GRM5: variants seen among roughly 807,000 people sequenced by gnomAD.
GRM5 encodes glutamate metabotropic receptor 5.
In GRM5, 19 loss-of-function variants were observed where a neutral mutation model predicts 83.1. The ratio of observed to expected loss-of-function variants is 0.23; its 90% CI spans 0.16 to 0.34. GRM5 has a LOEUF of 0.34. GRM5 is among the 10% of genes least tolerant of loss of function. The pLI is 1.00. For synonymous variants in GRM5, 675 were observed against 633.6 expected (o/e 1.07, Z -0.98); for missense variants, 1,160 against 1,588.3 (o/e 0.73, Z 4.58).
At chr11:88,877,639 G>C (rs1308485214) in intron 2 of GRM5, among the ~76,000 whole-genome samples, 1 of 151,794 alleles carries the variant, frequency 6.6e-6, no homozygotes, top group Non-Finnish European at 1.5e-5. Flanking sequence ...TGGGCAACAT[G>C]GCAAAACCCT....
intron 4 of GRM5, among the ~76,000 whole-genome samples, chr11:88,638,650 A>G (rs992985411): frequency 6.6e-6 from 1 of 152,114 alleles, no homozygotes; most frequent in African/African-American, 2.4e-5. Flanking sequence ...TTAACTATAA[A>G]TTCAGTTTAA....
intron 1 of GRM5, among the ~76,000 whole-genome samples, chr11:89,065,210 A>T (rs570928192): frequency 2.0e-5 from 3 of 150,646 alleles, no homozygotes; most frequent in African/African-American, 4.9e-5. Context: ...AGCTCCCTCA[A>T]ACACCTAATG....
intron 3 of GRM5, among the ~76,000 whole-genome samples, chr11:88,804,702 T>TA (rs985297757): frequency 1.1e-4 from 16 of 151,560 alleles, no homozygotes; most frequent in Non-Finnish European, 1.9e-4. Flanking sequence ...TAAAATAAAA[T>TA]AAAAAAACAA....
At chr11:88,905,096 A>G (rs1323262166) in intron 2 of GRM5, among the ~76,000 whole-genome samples, 2 of 152,154 alleles carry the variant, frequency 1.3e-5, no homozygotes, top group Non-Finnish European at 2.9e-5. Flanking sequence ...TGTCTATATA[A>G]TATATGTGTT....
intron 3 of GRM5, among the ~76,000 whole-genome samples, chr11:88,810,411 A>G (rs1337081636): frequency 6.6e-6 from 1 of 152,152 alleles, no homozygotes. Flanking sequence ...AATTCTGTAC[A>G]AACATCTGTA....
chr11:88,550,308 G>A (rs1213327060), intron 8 of GRM5, among the ~76,000 whole-genome samples: 3 of 152,136 alleles, frequency 2.0e-5, no homozygotes, highest in Non-Finnish European at 2.9e-5. Context: ...AGAAATAGCT[G>A]ATGAAATTGA....
intron 3 of GRM5, among the ~76,000 whole-genome samples, chr11:88,792,790 G>A (rs916954420): frequency 1.3e-5 from 2 of 151,816 alleles, no homozygotes; most frequent in African/African-American, 4.8e-5. Flanking sequence ...AATTATTAGT[G>A]TTTTTTTAAT....
intron 2 of GRM5, among the ~76,000 whole-genome samples, chr11:88,965,780 A>T (rs2134993707): frequency 6.6e-6 from 1 of 152,332 alleles, no homozygotes; most frequent in Non-Finnish European, 1.5e-5. Flanking sequence ...AAGGAGACAT[A>T]TACAAACACA....
rs1463018729 is a variant in GRM5 at position 88,509,159 on chromosome 11, C to T, written c.3072G>A (p.Thr1024=). The T allele has an allele frequency of 1.3e-6, 2 of 1,538,452 alleles. No homozygotes were observed. Among genetic ancestry groups the T allele is most frequent in the Non-Finnish European group, 1.7e-6 (2 of 1,143,918 alleles). ...TGGCCGAGCCCGCGCGGTGGCTCAG[C>T]GTGCTGATGGGCGACGGTGAGCGCG... The part of the protein sequence containing the change: ...ARPRSPSPIS[T]LSHRAGSASR... Residue 1024 remains threonine (T), a synonymous_variant, in exon 10 of 10, where the codon ACG becomes ACA. Transcript: ENST00000305447.
chr11:88,861,349 T>C (rs759620145), intron 2 of GRM5, among the ~76,000 whole-genome samples: 4 of 152,308 alleles, frequency 2.6e-5, no homozygotes, highest in African/African-American at 4.8e-5. Context: ...TTTACATCTC[T>C]AAATTTCACA....
intron 3 of GRM5, among the ~76,000 whole-genome samples, chr11:88,738,977 G>A (rs1941974316): frequency 6.6e-6 from 1 of 152,012 alleles, no homozygotes. Flanking sequence ...TGGCTAAAAT[G>A]CTGCCTTGGT....
intron 6 of GRM5, among the ~76,000 whole-genome samples, chr11:88,592,413 G>A (rs769087398): frequency 6.6e-6 from 1 of 152,142 alleles, no homozygotes; most frequent in Non-Finnish European, 1.5e-5. Context: ...TACCACACTT[G>A]GCAAAACTAT....
chr11:89,035,791 A>G (rs1941370358), intron 2 of GRM5, among the ~76,000 whole-genome samples: 1 of 152,078 alleles, frequency 6.6e-6, no homozygotes, highest in South Asian at 2.1e-4. Context: ...ACAATCTGGC[A>G]GAGCATTTAA....
intron 2 of GRM5, among the ~76,000 whole-genome samples, chr11:88,980,550 C>T (rs1192209233): frequency 6.6e-6 from 1 of 152,088 alleles, no homozygotes; most frequent in African/African-American, 2.4e-5. Flanking sequence ...TGGCCGGGTG[C>T]GGTGGCTCAC....
chr11:88,674,632 G>C (rs1345590450), intron 3 of GRM5, among the ~76,000 whole-genome samples: 3 of 151,850 alleles, frequency 2.0e-5, no homozygotes, highest in African/African-American at 7.2e-5. Context: ...GTTTGGGGCA[G>C]TGTCACTCTT....
intron 3 of GRM5, among the ~76,000 whole-genome samples, chr11:88,803,552 C>T (rs1330797089): frequency 2.0e-5 from 3 of 152,162 alleles, no homozygotes; most frequent in Non-Finnish European, 2.9e-5. Context: ...GGATTAAAGA[C>T]TTAAACGTTG....
chr11:88,821,344 CAAAAA>C (rs375051761), intron 3 of GRM5, among the ~76,000 whole-genome samples: 2 of 68,162 alleles, frequency 2.9e-5, no homozygotes, highest in Non-Finnish European at 6.7e-5. Flanking sequence ...CTTGAGGGGC[CAAAAA>C]AAAAAAAAAA....
intron 2 of GRM5, among the ~76,000 whole-genome samples, chr11:89,018,099 C>T (rs750683629): frequency 6.6e-6 from 1 of 152,112 alleles, no homozygotes; most frequent in Non-Finnish European, 1.5e-5. Flanking sequence ...TAGTACAATA[C>T]AGCATCTGAC....
chr11:88,566,902 A>G (rs1462290104), intron 8 of GRM5, 151 bp downstream of exon 8: 3 of 598,248 alleles, frequency 5.0e-6, no homozygotes, highest in Non-Finnish European at 8.9e-6. Flanking sequence ...AACCCCATAA[A>G]TACCATTTTA....
Sources: allele counts gnomAD v4.1 joint callset (sites outside exome capture counted in the v4.1 genomes callset), GRCh38; gene constraint gnomAD v4.1.1; transcripts MANE v1.5; gene names NCBI Gene and HGNC (gene_info 2026-07-23, HGNC 2026-07-21).